ATRN: variants seen among roughly 807,000 people sequenced by gnomAD.
ATRN encodes the protein attractin.
ATRN carries 54 observed loss-of-function variants against 178.7 expected under a neutral mutation model. That is an observed-to-expected ratio of 0.30 (90% CI 0.24 to 0.38). The LOEUF is 0.38. Ranked by LOEUF, ATRN falls within the 10% of genes least tolerant of loss-of-function variation. The pLI, the probability that ATRN is intolerant of heterozygous loss-of-function variation, is 1.00. For missense variants in ATRN, 1,443 were observed against 1,815.1 expected (o/e 0.79, Z 3.73); for synonymous variants, 636 against 663.0 (o/e 0.96, Z 0.63).
At position 3,471,214 on chromosome 20, in the gene ATRN, C is replaced by T. The variant is rs1184095264; in HGVS notation, c.107C>T (p.Thr36Ile). The change falls in exon 1 of 29, where the codon ACC (threonine) becomes ATC (isoleucine). Residue 36 changes from threonine (T) to isoleucine (I), a missense_variant. Coordinates refer to ENST00000262919, the MANE Select transcript of ATRN (RefSeq NM_139321.3). ...GGGCCGCACTGGGACTGGGACGTGA[C>T]CAGGGCTGGGAGGCCGGGGCTGGGG... ...SGGPHWDWDV[T>I]RAGRPGLGAG... 1 of 1,486,800 alleles carries T rather than the reference C, an allele frequency of 6.7e-7. No individual in the cohort carries two copies. The highest frequency in any genetic ancestry group is 2.2e-5 in the Admixed American group (1 of 45,526). The allele number at this position is 1,486,800 out of a possible 1,614,324, so 92.1% of individuals were successfully genotyped here.
At chr20:3,562,491 G>C (rs1022316220) in intron 9 of ATRN, 32 bp downstream of exon 9, 3 of 1,607,082 alleles carry the variant, frequency 1.9e-6, no homozygotes, top group South Asian at 1.1e-5. Context: ...TTCACTTTAA[G>C]GTGTAAATTC....
chr20:3,486,620 A>T (rs932884441), intron 1 of ATRN, among the ~76,000 whole-genome samples: 1 of 152,006 alleles, frequency 6.6e-6, no homozygotes, highest in Non-Finnish European at 1.5e-5. Context: ...GGCCTCAAGT[A>T]ATCTGTCCGC....
rs7271825 is a variant in ATRN at position 3,648,462 on chromosome 20, C to T, written c.*1615C>T. 0.032 allele frequency: 4,908 copies of T among 152,650 alleles called. 111 individuals carry two copies. Among genetic ancestry groups the T allele is most frequent in the Non-Finnish European group, 0.048 (3,287 of 68,026 alleles). The allele number at this position is 152,650 out of a possible 1,614,324, so 9.5% of individuals were successfully genotyped here. On this transcript the variant is annotated 3_prime_UTR_variant, in exon 29 of 29. Coordinates refer to ENST00000262919, the MANE Select transcript of ATRN (RefSeq NM_139321.3). Reference sequence around the variant, plus strand: ...AAAACCTGGGATCTCTGGCATTACCCTATTGGGATGGACCGCTGGACAGCA... The same window carrying T: ...AAAACCTGGGATCTCTGGCATTACCTTATTGGGATGGACCGCTGGACAGCA...
At chr20:3,507,605 A>G (rs1022489047) in intron 1 of ATRN, among the ~76,000 whole-genome samples, 1 of 152,146 alleles carries the variant, frequency 6.6e-6, no homozygotes, top group Non-Finnish European at 1.5e-5. Flanking sequence ...AAAGCTGCCA[A>G]TTCAGGAAAT....
At chr20:3,609,119 T>C (rs1393847146) in intron 24 of ATRN, among the ~76,000 whole-genome samples, 1 of 152,186 alleles carries the variant, frequency 6.6e-6, no homozygotes, top group Non-Finnish European at 1.5e-5. Flanking sequence ...TTTGGTAGTA[T>C]GGTTTTTTTC....
rs144239195 is a variant in ATRN, at chr20:3,589,234, G to A, written c.3185-1935G>A. Among the ~76,000 whole-genome samples, 878 of 152,044 alleles carry A rather than the reference G, an allele frequency of 5.8e-3. 18 individuals carry two copies. Among genetic ancestry groups the A allele is most frequent in the Admixed American group, 0.048 (732 of 15,276 alleles). On this transcript the variant is annotated intron_variant, in intron 18 of 28. Transcript: ENST00000262919. The stretch of plus-strand genomic sequence containing the variant: ...AGGATGGTCTCGATCTCCTGACCTC[G>A]TGATCTGCCTGCCTTGGCCTCCCAA...
chr20:3,568,565 A>G (rs533779616), intron 11 of ATRN, among the ~76,000 whole-genome samples: 12 of 152,168 alleles, frequency 7.9e-5, no homozygotes, highest in Non-Finnish European at 1.6e-4. Context: ...CAACTCTATA[A>G]AGTAACTATA....
At chr20:3,535,997 GTATC>G in intron 2 of ATRN, among the ~76,000 whole-genome samples, 1 of 152,182 alleles carries the variant, frequency 6.6e-6, no homozygotes, top group South Asian at 2.1e-4. Flanking sequence ...ATTTTTCTAA[GTATC>G]TATTTTTGTT....
At position 3,586,865 on chromosome 20, in the gene ATRN, T is replaced by C. The variant is rs560079898; in HGVS notation, c.3184+1985T>C. Among the ~76,000 whole-genome samples, 18 of 152,360 alleles carry C rather than the reference T, an allele frequency of 1.2e-4. No individual in the cohort carries two copies. In the South Asian group the frequency reaches 3.1e-3, roughly 26 times the overall value. On this transcript the variant is annotated intron_variant, in intron 18 of 28. Transcript: ENST00000262919. ...CCATTTTATGCTCTCACCAACATCA[T>C]ATGAAGGTTCATATCTTTCCACATC...
chr20:3,601,383 T>C (rs667358), intron 23 of ATRN, among the ~76,000 whole-genome samples: 17,706 of 152,134 alleles, frequency 0.12, 1,644 homozygotes, highest in African/African-American at 0.26. Flanking sequence ...TTGTCTACAT[T>C]CGTGCTTCGG....
At chr20:3,622,698 G>A (rs1600164952) in intron 24 of ATRN, among the ~76,000 whole-genome samples, 1 of 152,168 alleles carries the variant, frequency 6.6e-6, no homozygotes, top group Non-Finnish European at 1.5e-5. Context: ...TATGACCTTT[G>A]CCTCCTCACA....
Position 3,500,759 on chromosome 20 carries a change from C to T in ATRN, c.410+29242C>T, listed in dbSNP as rs1029629837. ...CTAGATGACGAGTTAGTGGGTGCAG[C>T]GCACCAGCATGGCACATGTATACAT... is the stretch of plus-strand genomic sequence containing the variant. On this transcript the variant is annotated intron_variant, in intron 1 of 28. Coordinates refer to ENST00000262919, the MANE Select transcript of ATRN (RefSeq NM_139321.3). 2.4e-4 allele frequency among the ~76,000 whole-genome samples: 36 copies of T among 151,126 alleles called. 1 individual carries two copies. Among genetic ancestry groups the T allele is most frequent in the African/African-American group, 5.3e-4 (22 of 41,180 alleles).
At chr20:3,477,738 A>G (rs1393558676) in intron 1 of ATRN, among the ~76,000 whole-genome samples, 2 of 152,236 alleles carry the variant, frequency 1.3e-5, no homozygotes, top group African/African-American at 2.4e-5. Context: ...CCTGGAGCAT[A>G]GTGAGCAGTA....
chr20:3,578,982 T>C lies in ATRN; in HGVS notation c.2544+210T>C, dbSNP rs1378621667. On this transcript the variant is annotated intron_variant, in intron 15 of 28. Coordinates refer to ENST00000262919, the MANE Select transcript of ATRN (RefSeq NM_139321.3). Reference sequence around the variant, plus strand: ...TAATACTTTGTATATATAAGATCTATGAATAATTATATGGGGGATGAATTG... The same window carrying C: ...TAATACTTTGTATATATAAGATCTACGAATAATTATATGGGGGATGAATTG... Among the ~76,000 whole-genome samples, 3 of 152,284 alleles carry C rather than the reference T, an allele frequency of 2.0e-5. No homozygotes were observed. The East Asian group carries it at 5.8e-4, about 29-fold the overall frequency.
chr20:3,583,579 C>T (rs1355073962), intron 16 of ATRN, among the ~76,000 whole-genome samples: 3 of 152,106 alleles, frequency 2.0e-5, no homozygotes, highest in Non-Finnish European at 2.9e-5. Flanking sequence ...GAGGCCAAGA[C>T]GGGTGGATCA....
chr20:3,540,163 C>A, intron 2 of ATRN, 59 bp from the exon 3 acceptor site: 1 of 989,006 alleles, frequency 1.0e-6, no homozygotes, highest in Non-Finnish European at 1.5e-6. Context: ...TTTTTATATT[C>A]TCAAATGTCT....
chr20:3,583,287 C>T (rs1448245030), intron 16 of ATRN, among the ~76,000 whole-genome samples: 1 of 152,114 alleles, frequency 6.6e-6, no homozygotes, highest in Non-Finnish European at 1.5e-5. Context: ...TTGTAAAACC[C>T]CTAAAGTTCA....
chr20:3,471,259 G>A lies in ATRN; in HGVS notation c.152G>A (p.Arg51Gln). 6.9e-7 allele frequency: 1 copy of A among 1,447,342 alleles called. No homozygotes were observed. Among genetic ancestry groups the A allele is most frequent in the Non-Finnish European group, 9.0e-7 (1 of 1,110,232 alleles). The allele number at this position is 1,447,342 out of a possible 1,614,324, so 89.7% of individuals were successfully genotyped here. Residue 51 changes from arginine to glutamine, a missense_variant, in exon 1 of 29, where the codon CGG becomes CAG. Arg to Gln is a conservative substitution (Grantham distance 43). This residue lies in a region of ATRN where 862 missense variants were observed against 972.1 expected (regional missense o/e 0.89). Transcript: ENST00000262919. ...PGLGAGLRLP[R>Q]LLSPPLRPRL... is the part of the protein sequence containing the mutation. Reference sequence around the variant, plus strand: ...CTGGGGGCCGGGCTGCGCCTCCCGCGGCTGCTGTCTCCACCGCTGCGGCCA... The same window carrying A: ...CTGGGGGCCGGGCTGCGCCTCCCGCAGCTGCTGTCTCCACCGCTGCGGCCA...
intron 25 of ATRN, among the ~76,000 whole-genome samples, chr20:3,629,523 C>A (rs1257408352): frequency 6.6e-6 from 1 of 152,228 alleles, no homozygotes; most frequent in African/African-American, 2.4e-5. Context: ...TTCTCTGACA[C>A]CAACTCAGTG....
Sources: gnomAD v4.1 joint callset for allele counts (sites outside exome capture counted in the v4.1 genomes callset) on GRCh38, gnomAD v4.1.1 for gene constraint, gnomAD v4.1.1 regional missense constraint, MANE v1.5 for transcripts, NCBI Gene and HGNC (gene_info 2026-07-23, HGNC 2026-07-21) for gene names.